The following TPO variants were observed in gnomAD, a reference collection of about 807,000 sequenced individuals.
TPO encodes thyroid peroxidase, also known as thyroid microsomal antigen.
Under a neutral mutation model 96.9 loss-of-function variants are expected in TPO, and 78 were observed. The observed-to-expected ratio is 0.81, with a 90% CI of 0.67 to 0.97. The LOEUF (loss-of-function observed/expected upper bound fraction) is 0.97, where lower values mean the gene tolerates loss of function less well. Among genes scored for constraint, TPO ranks in the 50% least tolerant of loss-of-function variants. TPO has a pLI of 0.00. For missense variants in TPO, 1,252 were observed against 1,274.8 expected, an observed-to-expected ratio of 0.98 and a Z score of 0.27; for synonymous variants, 547 against 538.0, an observed-to-expected ratio of 1.02 and a Z score of -0.23.
intron 2 of TPO, among the ~76,000 whole-genome samples, chr2:1,414,757 T>C (rs1045591987): frequency 3.9e-5 from 6 of 151,992 alleles, no homozygotes; most frequent in Admixed American, 1.3e-4. Flanking sequence ...TTCATATAAC[T>C]GAAAAAAAAA....
intron 15 of TPO, among the ~76,000 whole-genome samples, chr2:1,521,766 A>G (rs1675293850): frequency 6.6e-6 from 1 of 152,004 alleles, no homozygotes; most frequent in Non-Finnish European, 1.5e-5. Flanking sequence ...CAGGCCCCAG[A>G]GGACCTGGGG....
At chr2:1,474,062 C>G (rs1020121932) in intron 7 of TPO, among the ~76,000 whole-genome samples, 5 of 152,054 alleles carry the variant, frequency 3.3e-5, no homozygotes, top group Non-Finnish European at 5.9e-5. Flanking sequence ...ACAATGATAG[C>G]GGGAGTTTCT....
chr2:1,421,196 A>G (rs1429792469), intron 2 of TPO, among the ~76,000 whole-genome samples: 1 of 152,138 alleles, frequency 6.6e-6, no homozygotes, highest in Non-Finnish European at 1.5e-5. Context: ...GACGGCCGGG[A>G]GCACTGAACG....
intron 7 of TPO, among the ~76,000 whole-genome samples, chr2:1,459,946 CTT>C (rs142248718): frequency 0.54 from 76,062 of 139,994 alleles, 20,441 homozygotes; most frequent in East Asian, 0.76. Context: ...TTCTTTCTTT[CTT>C]TTTTTTTTTT....
At chr2:1,529,731 G>GC (rs1677595027) in intron 15 of TPO, among the ~76,000 whole-genome samples, 1 of 34,212 alleles carries the variant, frequency 2.9e-5, no homozygotes, top group African/African-American at 1.2e-4. Context: ...CCCCCACTGT[G>GC]AGCAATCTCC....
At chr2:1,379,157 TAGCC>T (rs1243521894) in intron 1 of TPO, among the ~76,000 whole-genome samples, 1 of 152,054 alleles carries the variant, frequency 6.6e-6, no homozygotes, top group Non-Finnish European at 1.5e-5. Flanking sequence ...ATATAAAAAT[TAGCC>T]AGGTGTGGTG....
intron 2 of TPO, among the ~76,000 whole-genome samples, chr2:1,415,103 C>A (rs1434961549): frequency 2.0e-5 from 3 of 150,816 alleles, no homozygotes; most frequent in Admixed American, 6.6e-5. Context: ...GCCCCTGGAG[C>A]AGGTGACACC....
At chr2:1,415,705 C>T (rs898804012) in intron 2 of TPO, among the ~76,000 whole-genome samples, 1 of 152,212 alleles carries the variant, frequency 6.6e-6, no homozygotes, top group East Asian at 1.9e-4. Context: ...GTCTTGGGGC[C>T]ATGGCACAGC....
At chr2:1,529,820 A>C (rs1336646052) in intron 15 of TPO, among the ~76,000 whole-genome samples, 1 of 118,328 alleles carries the variant, frequency 8.5e-6, no homozygotes, top group Admixed American at 1.0e-4. Flanking sequence ...CATTGTGTGC[A>C]GCCTCCCCAA....
intron 15 of TPO, among the ~76,000 whole-genome samples, chr2:1,524,192 C>T (rs1461706361): frequency 7.0e-6 from 1 of 143,858 alleles, no homozygotes; most frequent in African/African-American, 2.6e-5. Flanking sequence ...AATCCCCATC[C>T]TGTGTGCAAC....
intron 15 of TPO, among the ~76,000 whole-genome samples, chr2:1,533,178 T>TC (rs1247322495): frequency 2.1e-5 from 1 of 47,666 alleles, no homozygotes; most frequent in Middle Eastern, 0.019. Context: ...CCTTCCCAAA[T>TC]CCCCCCACTG....
At chr2:1,384,131 A>G (rs933043452) in intron 1 of TPO, among the ~76,000 whole-genome samples, 1 of 152,166 alleles carries the variant, frequency 6.6e-6, no homozygotes, top group Non-Finnish European at 1.5e-5. Flanking sequence ...CTTGTAGTAT[A>G]GTTTGAAGTC....
chr2:1,458,534 C>T (rs1251719303), intron 7 of TPO, among the ~76,000 whole-genome samples: 1 of 149,570 alleles, frequency 6.7e-6, no homozygotes, highest in Non-Finnish European at 1.5e-5. Context: ...GCATATAAGA[C>T]AGTTTGTGGA....
chr2:1,477,953 C>G, intron 8 of TPO: 6 of 985,400 alleles, frequency 6.1e-6, no homozygotes, highest in Non-Finnish European at 7.2e-6. Context: ...GGCAGCCAGA[C>G]CACCCAGGTT....
chr2:1,540,559 C>T (rs2125352443), intron 15 of TPO, 35 bp from the exon 16 acceptor site: 1 of 1,610,778 alleles, frequency 6.2e-7, no homozygotes, highest in East Asian at 2.2e-5. Flanking sequence ...CGGTGCCGGA[C>T]CCTCTCCCGA....
At chr2:1,415,628 CA>C (rs1662873158) in intron 2 of TPO, among the ~76,000 whole-genome samples, 1 of 146,584 alleles carries the variant, frequency 6.8e-6, no homozygotes, top group African/African-American at 2.6e-5. Context: ...TGGGCCTCTG[CA>C]CATAGTCCCG....
intron 7 of TPO, among the ~76,000 whole-genome samples, chr2:1,470,716 G>C (rs1669325524): frequency 6.6e-6 from 1 of 152,106 alleles, no homozygotes. Flanking sequence ...GCATGATTCT[G>C]ATGTTTTTCC....
chr2:1,527,866 TCAACCTCCTCAAATCCCCCCACTGCGTG>T (rs1676980910), intron 15 of TPO, among the ~76,000 whole-genome samples: 8 of 10,294 alleles, frequency 7.8e-4, no homozygotes, highest in African/African-American at 4.1e-4. Flanking sequence ...CCCACTGTGT[TCAACCTCCTCAAATCCCCCCACTGCGTG>T]CAACCTCCTC....
At chr2:1,474,015 C>G (rs1249400369) in intron 7 of TPO, among the ~76,000 whole-genome samples, 3 of 151,976 alleles carry the variant, frequency 2.0e-5, no homozygotes, top group Non-Finnish European at 4.4e-5. Context: ...ATTTTATTTT[C>G]TAGACTTTGG....
Sources: gnomAD v4.1 joint callset for allele counts (sites outside exome capture counted in the v4.1 genomes callset) on GRCh38, gnomAD v4.1.1 for gene constraint, MANE v1.5 for transcripts, NCBI Gene and HGNC (gene_info 2026-07-23, HGNC 2026-07-21) for gene names.